Variants in EXOC6 observed in about 807,000 individuals in gnomAD.
The protein encoded by EXOC6 is exocyst complex component 6.
EXOC6 carries 60 observed loss-of-function variants against 112.5 expected under a neutral mutation model. That is an observed-to-expected ratio of 0.53 (90% confidence interval 0.43 to 0.66). The LOEUF (loss-of-function observed/expected upper bound fraction) is 0.66. Among genes scored for constraint, EXOC6 ranks in the 30% least tolerant of loss-of-function variants. The pLI, the probability that EXOC6 is intolerant of heterozygous loss-of-function variation, is 0.00. For missense variants in EXOC6, 855 were observed against 957.1 expected (o/e 0.89, Z 1.41); for synonymous variants, 295 against 308.0 (o/e 0.96, Z 0.44).
At chr10:92,863,863 C>T (rs1456421807) in intron 1 of EXOC6, among the ~76,000 whole-genome samples, 1 of 147,420 alleles carries the variant, frequency 6.8e-6, no homozygotes, top group East Asian at 2.0e-4. Context: ...TGCAGTGAGT[C>T]TATATCGCGC....
chr10:93,008,162 GA>G (rs1844081175), intron 19 of EXOC6, among the ~76,000 whole-genome samples: 2 of 152,198 alleles, frequency 1.3e-5, no homozygotes, highest in South Asian at 4.1e-4. Context: ...GCAACAGAGT[GA>G]GACTCCATCT....
intron 12 of EXOC6, among the ~76,000 whole-genome samples, chr10:92,936,372 A>G (rs933016072): frequency 2.7e-4 from 41 of 152,378 alleles, no homozygotes; most frequent in African/African-American, 8.4e-4. Flanking sequence ...AGTTTTAAAT[A>G]TGATACTTTG....
rs140866469 is a variant in EXOC6 at position 92,985,117 on chromosome 10, T to C, written c.1953+10885T>C. 4.2e-3 allele frequency among the ~76,000 whole-genome samples: 637 copies of C among 152,312 alleles called. 6 individuals are homozygous for C. Among genetic ancestry groups the C allele is most frequent in the South Asian group, 9.9e-3 (48 of 4,826 alleles). ...TGCCCCATCCCCCTCTGCTCTCCTG[T>C]GCTCCCCTTTACTTCTCCCTGCATC... On this transcript the variant is annotated intron_variant, in intron 18 of 21. Coordinates refer to ENST00000260762, the MANE Select transcript of EXOC6 (RefSeq NM_019053.6).
rs941554874 is a variant in EXOC6, at chr10:92,860,723, C to T, written c.101+12089C>T. Among the ~76,000 whole-genome samples, 9 of 152,274 alleles carry T rather than the reference C, an allele frequency of 5.9e-5. 1 individual carries two copies. The highest frequency in any genetic ancestry group is 3.3e-4 in the Admixed American group (5 of 15,292). ...AGTGGAATTATATGTTTTTCTGTTA[C>T]GGGTTTATTTCACTAAGCATAATGT... On this transcript the variant is annotated intron_variant, in intron 1 of 21. Coordinates refer to ENST00000260762, the MANE Select transcript of EXOC6 (RefSeq NM_019053.6).
At chr10:92,980,789 A>G (rs575766980) in intron 18 of EXOC6, among the ~76,000 whole-genome samples, 1 of 152,264 alleles carries the variant, frequency 6.6e-6, no homozygotes, top group Middle Eastern at 3.4e-3. Context: ...CCTTCTTTTA[A>G]TAATTTTTTT....
At chr10:92,840,241 C>G (rs995528038) in intron 1 of EXOC6, among the ~76,000 whole-genome samples, 2 of 151,650 alleles carry the variant, frequency 1.3e-5, no homozygotes, top group African/African-American at 4.8e-5. Flanking sequence ...CTATTTATAT[C>G]TTTATAAATG....
chr10:92,909,857 C>G (rs542017614), intron 6 of EXOC6, among the ~76,000 whole-genome samples: 1 of 152,098 alleles, frequency 6.6e-6, no homozygotes, highest in East Asian at 1.9e-4. Context: ...AGTTACTGCC[C>G]GAACTCTCAG....
intron 1 of EXOC6, among the ~76,000 whole-genome samples, chr10:92,863,320 A>G (rs1847996607): frequency 6.6e-6 from 1 of 152,242 alleles, no homozygotes. Context: ...AAGGCTAAGC[A>G]TCTCTTTTAA....
At chr10:92,939,391 A>C (rs1852530767) in intron 12 of EXOC6, among the ~76,000 whole-genome samples, 1 of 151,812 alleles carries the variant, frequency 6.6e-6, no homozygotes, top group African/African-American at 2.4e-5. Flanking sequence ...AATCAGAAGA[A>C]TTTGGTGACT....
chr10:93,036,088 C>T (rs1257630057), intron 20 of EXOC6, among the ~76,000 whole-genome samples: 1 of 151,910 alleles, frequency 6.6e-6, no homozygotes, highest in Non-Finnish European at 1.5e-5. Flanking sequence ...CATGATGGCG[C>T]ATGCCTGTAA....
chr10:92,865,570 T>A (rs1848135090), intron 1 of EXOC6, among the ~76,000 whole-genome samples: 1 of 151,854 alleles, frequency 6.6e-6, no homozygotes, highest in Admixed American at 6.5e-5. Flanking sequence ...GCCTCCTGAA[T>A]AGCTGGGATT....
At chr10:92,838,649 C>T (rs369505101) in intron 1 of EXOC6, among the ~76,000 whole-genome samples, 2 of 152,104 alleles carry the variant, frequency 1.3e-5, no homozygotes, top group Non-Finnish European at 2.9e-5. Flanking sequence ...GAAAATACCA[C>T]GGTGGAAAAG....
At chr10:92,854,317 G>T (rs1847494741) in intron 1 of EXOC6, among the ~76,000 whole-genome samples, 1 of 151,688 alleles carries the variant, frequency 6.6e-6, no homozygotes, top group African/African-American at 2.4e-5. Context: ...CACGCCTGTA[G>T]TCCCAGCTAC....
At chr10:92,877,940 CA>C (rs775047453) in intron 1 of EXOC6, among the ~76,000 whole-genome samples, 49 of 152,100 alleles carry the variant, frequency 3.2e-4, no homozygotes, top group Non-Finnish European at 5.0e-4. Flanking sequence ...GGTCATTGGG[CA>C]AAAAGCAAGC....
chr10:92,982,811 T>C (rs1421927841), intron 18 of EXOC6, among the ~76,000 whole-genome samples: 1 of 152,216 alleles, frequency 6.6e-6, no homozygotes, highest in Non-Finnish European at 1.5e-5. Flanking sequence ...TGCTTTGGGC[T>C]GTAGTGTTTT....
intron 1 of EXOC6, among the ~76,000 whole-genome samples, chr10:92,837,065 C>A (rs11187189): frequency 6.7e-6 from 1 of 150,018 alleles, no homozygotes; most frequent in Admixed American, 6.7e-5. Context: ...GCCCTGCCCT[C>A]AGGAATCTTT....
At chr10:92,882,406 T>C (rs767521659) in intron 1 of EXOC6, among the ~76,000 whole-genome samples, 1 of 151,908 alleles carries the variant, frequency 6.6e-6, no homozygotes, top group Non-Finnish European at 1.5e-5. Flanking sequence ...TAGCCAGGCA[T>C]GATGGCAGGT....
At chr10:92,986,873 G>A (rs1228325592) in intron 18 of EXOC6, among the ~76,000 whole-genome samples, 2 of 151,810 alleles carry the variant, frequency 1.3e-5, no homozygotes, top group Non-Finnish European at 2.9e-5. Flanking sequence ...ACAGAACTAC[G>A]GCAGGGGCAT....
chr10:92,908,722 A>C (rs2133868012), intron 5 of EXOC6, among the ~76,000 whole-genome samples: 1 of 152,364 alleles, frequency 6.6e-6, no homozygotes, highest in South Asian at 2.1e-4. Context: ...AAAGAGAACT[A>C]AATTATGTAT....
Sources: allele counts gnomAD v4.1 joint callset (sites outside exome capture counted in the v4.1 genomes callset), GRCh38; gene constraint gnomAD v4.1.1; transcripts MANE v1.5; gene names NCBI Gene and HGNC (gene_info 2026-07-23, HGNC 2026-07-21).